CTNNA3: variants seen among roughly 807,000 people sequenced by gnomAD.
CTNNA3 encodes catenin alpha-3.
A neutral mutation model predicts 95.7 loss-of-function variants in CTNNA3; 76 were observed. The ratio of observed to expected loss-of-function variants is 0.79; its 90% confidence interval spans 0.66 to 0.96. The LOEUF is 0.96. Ranked by LOEUF, CTNNA3 falls within the 40% of genes least tolerant of loss-of-function variation. CTNNA3 has a pLI of 0.00. For missense variants in CTNNA3, 1,191 were observed against 1,089.8 expected (o/e 1.09, Z -1.31); for synonymous variants, 431 against 374.4 (o/e 1.15, Z -1.74).
intron 7 of CTNNA3, among the ~76,000 whole-genome samples, chr10:66,876,291 G>A (rs1049129022): frequency 5.3e-5 from 8 of 152,144 alleles, no homozygotes; most frequent in Non-Finnish European, 1.0e-4. Context: ...GATAAACAAC[G>A]AAACAGAAAG....
chr10:65,981,989 A>C (rs1438571937), intron 16 of CTNNA3, among the ~76,000 whole-genome samples: 1 of 151,854 alleles, frequency 6.6e-6, no homozygotes, highest in Admixed American at 6.6e-5. Flanking sequence ...AAACAAGGAT[A>C]AATAGATGGT....
chr10:66,473,377 C>T (rs1839204026), intron 11 of CTNNA3, among the ~76,000 whole-genome samples: 1 of 151,882 alleles, frequency 6.6e-6, no homozygotes, highest in Non-Finnish European at 1.5e-5. Context: ...CTTCTCTCTC[C>T]TGCCGACATG....
intron 13 of CTNNA3, among the ~76,000 whole-genome samples, chr10:66,120,394 G>C (rs1361049917): frequency 6.6e-6 from 1 of 152,098 alleles, no homozygotes; most frequent in Non-Finnish European, 1.5e-5. Flanking sequence ...TAAGTATACT[G>C]TCTAGTTAAT....
intron 6 of CTNNA3, among the ~76,000 whole-genome samples, chr10:67,181,850 A>G (rs1041783997): frequency 6.6e-6 from 1 of 152,084 alleles, no homozygotes; most frequent in African/African-American, 2.4e-5. Context: ...TTTTAAAAAA[A>G]CAGCACTGTG....
At chr10:66,496,718 C>G (rs577763097) in intron 11 of CTNNA3, among the ~76,000 whole-genome samples, 1 of 152,276 alleles carries the variant, frequency 6.6e-6, no homozygotes, top group Admixed American at 6.5e-5. Flanking sequence ...CAAAGGAAAT[C>G]AATTTAACGA....
chr10:66,946,084 A>G (rs1848258534), intron 7 of CTNNA3, among the ~76,000 whole-genome samples: 3 of 152,224 alleles, frequency 2.0e-5, no homozygotes, highest in Admixed American at 2.0e-4. Context: ...GTTGAAAAAC[A>G]GAGCTCATAG....
At chr10:66,850,624 T>C (rs1366138781) in intron 7 of CTNNA3, among the ~76,000 whole-genome samples, 2 of 152,122 alleles carry the variant, frequency 1.3e-5, no homozygotes, top group African/African-American at 2.4e-5. Flanking sequence ...CTTAATACCA[T>C]TGTATTTTGA....
chr10:67,640,859 A>G (rs1471352647), intron 2 of CTNNA3, among the ~76,000 whole-genome samples: 2 of 152,212 alleles, frequency 1.3e-5, no homozygotes, highest in Non-Finnish European at 2.9e-5. Context: ...TTAATTCAAG[A>G]AGGATTAAAG....
At chr10:67,358,441 A>G (rs1184422774) in intron 5 of CTNNA3, among the ~76,000 whole-genome samples, 2 of 152,144 alleles carry the variant, frequency 1.3e-5, no homozygotes, top group African/African-American at 4.8e-5. Context: ...TTTTGAGAGA[A>G]AACATTAAAA....
rs542507021 is a variant in CTNNA3 at position 66,391,607 on chromosome 10, T to C, written c.1532-12255A>G. On this transcript the variant is annotated intron_variant, in intron 11 of 17. Coordinates refer to ENST00000433211, the MANE Select transcript of CTNNA3 (RefSeq NM_013266.4). ...TCTTTAAAAAAAAATTTGATGACCATGTAAATGATTCTTGTTACAAAAAGT... is the reference window on the plus strand; with the variant it reads ...TCTTTAAAAAAAAATTTGATGACCACGTAAATGATTCTTGTTACAAAAAGT... 8.5e-5 allele frequency among the ~76,000 whole-genome samples: 13 copies of C among 152,236 alleles called. No individual in the cohort carries two copies. The South Asian group carries it at 2.7e-3, about 32-fold the overall frequency.
intron 6 of CTNNA3, among the ~76,000 whole-genome samples, chr10:67,214,807 A>T (rs74142434): frequency 1.3e-5 from 2 of 152,100 alleles, no homozygotes; most frequent in African/African-American, 4.8e-5. Context: ...TCATTCACAG[A>T]TAATCAGTCA....
intron 7 of CTNNA3, among the ~76,000 whole-genome samples, chr10:67,064,561 A>G (rs925353438): frequency 2.6e-5 from 4 of 152,166 alleles, no homozygotes; most frequent in Non-Finnish European, 4.4e-5. Flanking sequence ...TTAGAACCAA[A>G]TAATTTTGAC....
At chr10:66,095,790 C>G (rs2081366800) in intron 14 of CTNNA3, among the ~76,000 whole-genome samples, 1 of 151,990 alleles carries the variant, frequency 6.6e-6, no homozygotes, top group African/African-American at 2.4e-5. Flanking sequence ...AGGTTGTGTC[C>G]AGTAACCTAG....
intron 12 of CTNNA3, among the ~76,000 whole-genome samples, chr10:66,310,686 CTTT>C (rs370233209): frequency 5.3e-5 from 7 of 132,596 alleles, no homozygotes; most frequent in Admixed American, 1.6e-4. Context: ...TTATACATAA[CTTT>C]TTTTTTTTTT....
At chr10:67,026,498 T>C (rs1265061082) in intron 7 of CTNNA3, among the ~76,000 whole-genome samples, 1 of 151,992 alleles carries the variant, frequency 6.6e-6, no homozygotes. Flanking sequence ...ATATAAGTAA[T>C]ATGGAAAAGT....
At chr10:67,524,505 C>T (rs1012501884) in intron 4 of CTNNA3, among the ~76,000 whole-genome samples, 2 of 149,116 alleles carry the variant, frequency 1.3e-5, no homozygotes, top group Non-Finnish European at 3.0e-5. Context: ...AATCCAGTAA[C>T]AATACATGAT....
intron 1 of CTNNA3, among the ~76,000 whole-genome samples, chr10:67,694,720 A>G (rs1331221374): frequency 6.6e-6 from 1 of 152,134 alleles, no homozygotes; most frequent in Non-Finnish European, 1.5e-5. Context: ...TCCAAATTTT[A>G]TCTATACTAT....
chr10:66,386,657 T>C (rs899570547), intron 11 of CTNNA3, among the ~76,000 whole-genome samples: 20 of 151,674 alleles, frequency 1.3e-4, no homozygotes, highest in Non-Finnish European at 2.7e-4. Context: ...TAAGCAAAAA[T>C]AACAAAGCTG....
intron 10 of CTNNA3, among the ~76,000 whole-genome samples, chr10:66,607,302 G>A (rs570208184): frequency 2.4e-4 from 37 of 151,554 alleles, no homozygotes; most frequent in African/African-American, 7.5e-4. Flanking sequence ...CCCACCAATC[G>A]AAGAAAATGC....
Sources: gnomAD v4.1 joint callset for allele counts (sites outside exome capture counted in the v4.1 genomes callset) on GRCh38, gnomAD v4.1.1 for gene constraint, MANE v1.5 for transcripts, NCBI Gene and HGNC (gene_info 2026-07-23, HGNC 2026-07-21) for gene names.